Variants in DNER observed in about 807,000 individuals in gnomAD.
DNER encodes the protein delta and Notch-like epidermal growth factor-related receptor.
DNER carries 33 observed loss-of-function variants against 78.2 expected under a neutral mutation model. That is an observed-to-expected ratio of 0.42 (90% CI 0.32 to 0.56). The LOEUF (loss-of-function observed/expected upper bound fraction) is 0.56. Among genes scored for constraint, DNER ranks in the 20% least tolerant of loss-of-function variants. The pLI is 0.11. For synonymous variants in DNER, 417 were observed against 384.8 expected (o/e 1.08, Z -0.98); for missense variants, 918 against 975.3 (o/e 0.94, Z 0.78).
chr2:229,675,343 ACT>A (rs1203930314), intron 1 of DNER, among the ~76,000 whole-genome samples: 4 of 151,538 alleles, frequency 2.6e-5, no homozygotes, highest in Non-Finnish European at 5.9e-5. Context: ...AGCAATTTCC[ACT>A]CTCTGCCAAC....
chr2:229,619,677 A>G (rs1698221368), intron 1 of DNER, among the ~76,000 whole-genome samples: 1 of 152,210 alleles, frequency 6.6e-6, no homozygotes, highest in African/African-American at 2.4e-5. Flanking sequence ...ATTTCTTAAA[A>G]ATGACTGCAA....
chr2:229,424,882 A>G (rs2106352097), intron 8 of DNER, among the ~76,000 whole-genome samples: 1 of 152,246 alleles, frequency 6.6e-6, no homozygotes, highest in East Asian at 1.9e-4. Flanking sequence ...CCTCTACACA[A>G]TAGATTCCAA....
intron 8 of DNER, among the ~76,000 whole-genome samples, chr2:229,435,157 G>A (rs946715529): frequency 3.3e-5 from 5 of 152,186 alleles, no homozygotes; most frequent in African/African-American, 1.2e-4. Context: ...GCATGCATAT[G>A]GGACCTTGTG....
At chr2:229,490,909 C>T (rs55974208) in intron 6 of DNER, among the ~76,000 whole-genome samples, 3,176 of 152,326 alleles carry the variant, frequency 0.021, 121 homozygotes, top group African/African-American at 0.073. Context: ...GTCCTTATCT[C>T]TAGCCTGATA....
intron 1 of DNER, among the ~76,000 whole-genome samples, chr2:229,596,673 G>C (rs751559907): frequency 7.9e-5 from 12 of 152,166 alleles, no homozygotes; most frequent in Middle Eastern, 3.2e-3. Flanking sequence ...CCAGGTAAGG[G>C]GATAAAGAGC....
intron 10 of DNER, among the ~76,000 whole-genome samples, chr2:229,392,513 C>A (rs1436604784): frequency 6.6e-6 from 1 of 152,146 alleles, no homozygotes; most frequent in Admixed American, 6.5e-5. Flanking sequence ...AGAAATTGAG[C>A]ACCAGAAATC....
At chr2:229,523,156 T>A (rs115984267) in intron 5 of DNER, among the ~76,000 whole-genome samples, 2,943 of 152,270 alleles carry the variant, frequency 0.019, 101 homozygotes, top group African/African-American at 0.068. Context: ...CACTCTTAGG[T>A]CTGGTAGCCC....
At chr2:229,395,815 T>C (rs1312131063) in intron 10 of DNER, among the ~76,000 whole-genome samples, 1 of 152,124 alleles carries the variant, frequency 6.6e-6, no homozygotes, top group Non-Finnish European at 1.5e-5. Flanking sequence ...GGAGAATCAC[T>C]TGAACCGGAG....
rs148640169 is a variant in DNER at position 229,369,468 on chromosome 2, A to G, written c.1856-2349T>C. Among the ~76,000 whole-genome samples the G allele has an allele frequency of 3.5e-3, 534 of 152,090 alleles. 4 individuals carry two copies. The highest frequency in any genetic ancestry group is 0.012 in the African/African-American group (517 of 41,536). The stretch of plus-strand genomic sequence containing the variant: ...CTAAAAAGTCAAAAAAAAAGTTTCA[A>G]CTTTCTAAAAAGTTAAAAAAAAAAA... On this transcript the variant is annotated intron_variant, in intron 11 of 12. Transcript: ENST00000341772.
Position 229,619,531 on chromosome 2 carries a change from C to T in DNER, c.277-27643G>A, listed in dbSNP as rs73998299. 7.6e-3 allele frequency among the ~76,000 whole-genome samples: 1,157 copies of T among 152,204 alleles called. 13 individuals are homozygous for T. The highest frequency in any genetic ancestry group is 0.013 in the African/African-American group (527 of 41,532). ...CCACTGGATGGAGTTGGGGGTGAGA[C>T]GGCAATGTCCTAGGGCTTCTGTTCA... On this transcript the variant is annotated intron_variant, in intron 1 of 12. Transcript: ENST00000341772.
intron 6 of DNER, among the ~76,000 whole-genome samples, chr2:229,493,112 G>A (rs962825218): frequency 2.6e-5 from 4 of 152,146 alleles, no homozygotes; most frequent in African/African-American, 9.7e-5. Context: ...AACCAACAAC[G>A]CAAAGGCACT....
At chr2:229,486,554 G>A (rs1695279661) in intron 6 of DNER, among the ~76,000 whole-genome samples, 1 of 152,090 alleles carries the variant, frequency 6.6e-6, no homozygotes, top group Non-Finnish European at 1.5e-5. Flanking sequence ...TTAAGAGGTT[G>A]ACTTTTACCT....
intron 5 of DNER, among the ~76,000 whole-genome samples, chr2:229,541,208 A>T (rs1376907063): frequency 6.6e-6 from 1 of 152,162 alleles, no homozygotes; most frequent in Non-Finnish European, 1.5e-5. Flanking sequence ...CTGCTGCCCA[A>T]TAAAAGGCAT....
At chr2:229,393,804 G>A (rs921671778) in intron 10 of DNER, among the ~76,000 whole-genome samples, 3 of 152,104 alleles carry the variant, frequency 2.0e-5, no homozygotes, top group African/African-American at 7.2e-5. Context: ...CCGGGTTCAT[G>A]CCACTGCACT....
intron 1 of DNER, among the ~76,000 whole-genome samples, chr2:229,655,774 G>T (rs752483124): frequency 1.1e-4 from 17 of 152,010 alleles, no homozygotes; most frequent in Non-Finnish European, 2.4e-4. Context: ...GATTGGGTGG[G>T]TCCTAAATGC....
At chr2:229,429,531 T>G (rs1318425941) in intron 8 of DNER, among the ~76,000 whole-genome samples, 2 of 152,206 alleles carry the variant, frequency 1.3e-5, no homozygotes, top group Admixed American at 6.5e-5. Context: ...TGTGGTCACC[T>G]GGCCTGTGAG....
intron 7 of DNER, among the ~76,000 whole-genome samples, chr2:229,454,199 T>G (rs7594132): frequency 6.6e-6 from 1 of 152,158 alleles, no homozygotes; most frequent in African/African-American, 2.4e-5. Flanking sequence ...ATGAGCTAAA[T>G]GAGTGGCTGC....
At chr2:229,528,973 G>A (rs1051178244) in intron 5 of DNER, among the ~76,000 whole-genome samples, 1 of 152,296 alleles carries the variant, frequency 6.6e-6, no homozygotes, top group Admixed American at 6.5e-5. Context: ...CGTCTCATTA[G>A]CAGTCTGTGG....
At chr2:229,483,849 T>C (rs1033939330) in intron 6 of DNER, among the ~76,000 whole-genome samples, 19 of 152,182 alleles carry the variant, frequency 1.2e-4, no homozygotes, top group Non-Finnish European at 2.2e-4. Context: ...CTCTTATTTC[T>C]ACTTGAAACA....
Sources: allele counts gnomAD v4.1 joint callset (sites outside exome capture counted in the v4.1 genomes callset), GRCh38; gene constraint gnomAD v4.1.1; transcripts MANE v1.5; gene names NCBI Gene and HGNC (gene_info 2026-07-23, HGNC 2026-07-21).